SNTG2: variants seen among roughly 807,000 people sequenced by gnomAD.
SNTG2 encodes syntrophin gamma 2.
Under a neutral mutation model 70.9 loss-of-function variants are expected in SNTG2, and 74 were observed. That is an observed-to-expected ratio of 1.04 (90% CI 0.86 to 1.27). The LOEUF (loss-of-function observed/expected upper bound fraction) is 1.27. Among genes scored for constraint, SNTG2 ranks in the 50% most tolerant of loss-of-function variants. SNTG2 has a pLI of 0.00. For missense variants in SNTG2, 717 were observed against 690.7 expected (o/e 1.04, Z -0.43); for synonymous variants, 278 against 273.8 (o/e 1.02, Z -0.15).
At chr2:986,582 G>A (rs62106775) in intron 1 of SNTG2, among the ~76,000 whole-genome samples, 15,506 of 152,194 alleles carry the variant, frequency 0.1, 1,036 homozygotes, top group South Asian at 0.21. Flanking sequence ...AAGAAGGATC[G>A]GCATACCAGT....
At chr2:1,133,662 C>A (rs1668168476) in intron 4 of SNTG2, among the ~76,000 whole-genome samples, 1 of 151,072 alleles carries the variant, frequency 6.6e-6, no homozygotes, top group African/African-American at 2.4e-5. Context: ...TAAAATCAAG[C>A]TTTCATGATT....
At chr2:1,010,167 G>A (rs935076731) in intron 1 of SNTG2, among the ~76,000 whole-genome samples, 1 of 152,118 alleles carries the variant, frequency 6.6e-6, no homozygotes, top group East Asian at 1.9e-4. Context: ...GTAATGGGAT[G>A]TCCACGGGGT....
Position 1,081,102 on chromosome 2 carries a change from G to A in SNTG2, c.73-2416G>A, listed in dbSNP as rs537786177. 6.6e-5 allele frequency among the ~76,000 whole-genome samples: 10 copies of A among 152,222 alleles called. No individual in the cohort carries two copies. In the South Asian group the frequency reaches 8.3e-4, roughly 13 times the overall value. On this transcript the variant is annotated intron_variant, in intron 1 of 16. Transcript: ENST00000308624. ...TTTACGGCAAACAGGTTGACTTTCC[G>A]CAGGCCACGGCGTCCTGAGGAAGCC...
At chr2:1,176,936 T>A (rs540667416) in intron 8 of SNTG2, among the ~76,000 whole-genome samples, 1 of 152,270 alleles carries the variant, frequency 6.6e-6, no homozygotes, top group African/African-American at 2.4e-5. Context: ...TCCTCAAAGG[T>A]CTAGAACCAG....
At chr2:1,141,000 A>G (rs553943185) in intron 6 of SNTG2, among the ~76,000 whole-genome samples, 8 of 152,238 alleles carry the variant, frequency 5.3e-5, no homozygotes, top group African/African-American at 1.4e-4. Flanking sequence ...CTTAACTGTT[A>G]GAAATAAAGT....
At chr2:978,731 G>A (rs894229062) in intron 1 of SNTG2, among the ~76,000 whole-genome samples, 3 of 151,490 alleles carry the variant, frequency 2.0e-5, no homozygotes, top group Admixed American at 1.3e-4. Flanking sequence ...ATAAGCGGAT[G>A]TCTTATGCAC....
chr2:1,308,448 C>A, intron 14 of SNTG2, 46 bp from the exon 15 acceptor site: 1 of 1,505,280 alleles, frequency 6.6e-7, no homozygotes, highest in Admixed American at 2.0e-5. Flanking sequence ...TAAAGTTAAA[C>A]AGCATTATTA....
At chr2:997,543 A>G (rs1661729223) in intron 1 of SNTG2, among the ~76,000 whole-genome samples, 1 of 152,220 alleles carries the variant, frequency 6.6e-6, no homozygotes, top group Non-Finnish European at 1.5e-5. Flanking sequence ...GTGCTGTGGG[A>G]CACAGAATGT....
intron 9 of SNTG2, among the ~76,000 whole-genome samples, chr2:1,227,379 G>A (rs73908933): frequency 1.3e-3 from 202 of 152,370 alleles, no homozygotes; most frequent in African/African-American, 4.6e-3. Flanking sequence ...CCGAGGCCAC[G>A]GATGGGTGGA....
At position 1,170,190 on chromosome 2, in the gene SNTG2, G is replaced by C. The variant is rs145827615; in HGVS notation, c.500-2902G>C. Among the ~76,000 whole-genome samples the C allele has an allele frequency of 2.6e-4, 40 of 152,184 alleles. No homozygotes were observed. In the East Asian group the frequency reaches 6.6e-3, roughly 25 times the overall value. On this transcript the variant is annotated intron_variant, in intron 7 of 16. Coordinates refer to ENST00000308624, the MANE Select transcript of SNTG2 (RefSeq NM_018968.4). ...ACCGTTTGAGACTGAGTCAAAGTAG[G>C]GTTTTATTTTTCACAAGTCAGGCTC... is the stretch of plus-strand genomic sequence containing the variant.
chr2:965,645 G>A (rs1395602176), intron 1 of SNTG2, among the ~76,000 whole-genome samples: 44 of 152,028 alleles, frequency 2.9e-4, no homozygotes, highest in Admixed American at 2.9e-3. Flanking sequence ...CTCGGCTCGG[G>A]GGCTGCTGCT....
chr2:1,304,164 A>G (rs1045129004), intron 14 of SNTG2, among the ~76,000 whole-genome samples: 3 of 152,230 alleles, frequency 2.0e-5, no homozygotes, highest in African/African-American at 7.2e-5. Context: ...ACAGACCAAT[A>G]TTCTCCATTA....
intron 7 of SNTG2, 113 bp from the exon 8 acceptor site, chr2:1,172,979 G>C (rs1671225638): frequency 2.3e-6 from 2 of 882,782 alleles, no homozygotes; most frequent in South Asian, 3.1e-5. Context: ...TGGACACCAG[G>C]CATTTTGGTG....
chr2:1,078,156 G>A (rs965322913), intron 1 of SNTG2, among the ~76,000 whole-genome samples: 6 of 152,194 alleles, frequency 3.9e-5, no homozygotes, highest in Admixed American at 2.0e-4. Context: ...GTGGCATTCC[G>A]TTTGAGAACT....
At chr2:1,179,092 G>A (rs1671685680) in intron 8 of SNTG2, among the ~76,000 whole-genome samples, 1 of 152,210 alleles carries the variant, frequency 6.6e-6, no homozygotes, top group Non-Finnish European at 1.5e-5. Context: ...TATTTGCATA[G>A]AGGTGTTTGT....
intron 1 of SNTG2, among the ~76,000 whole-genome samples, chr2:1,055,599 A>G (rs1054036422): frequency 2.6e-5 from 4 of 152,158 alleles, no homozygotes; most frequent in Non-Finnish European, 4.4e-5. Context: ...AAATGTTTTT[A>G]TCAAGTAGCA....
intron 6 of SNTG2, among the ~76,000 whole-genome samples, chr2:1,144,006 C>T (rs950786131): frequency 4.6e-5 from 7 of 151,910 alleles, no homozygotes; most frequent in African/African-American, 1.7e-4. Flanking sequence ...TGCACATCTC[C>T]CACAGTTGAC....
chr2:1,172,268 T>A (rs1156655329), intron 7 of SNTG2, among the ~76,000 whole-genome samples: 1 of 152,190 alleles, frequency 6.6e-6, no homozygotes, highest in East Asian at 1.9e-4. Context: ...CAAAGGCTCC[T>A]TTCTCAGTGT....
chr2:1,296,956 A>G (rs1370535416), intron 14 of SNTG2, among the ~76,000 whole-genome samples: 3 of 152,236 alleles, frequency 2.0e-5, no homozygotes, highest in Non-Finnish European at 4.4e-5. Context: ...CACTTTCTCA[A>G]GAAAGCAGAA....
Sources: allele counts gnomAD v4.1 joint callset (sites outside exome capture counted in the v4.1 genomes callset), GRCh38; gene constraint gnomAD v4.1.1; transcripts MANE v1.5; gene names NCBI Gene and HGNC (gene_info 2026-07-23, HGNC 2026-07-21).